Variants in GRIN2B observed in about 807,000 individuals in gnomAD.
GRIN2B encodes the protein glutamate ionotropic receptor NMDA type subunit 2B.
GRIN2B carries 5 observed loss-of-function variants against 114.5 expected under a neutral mutation model. The ratio of observed to expected loss-of-function variants is 0.04; its 90% CI spans 0.02 to 0.09. GRIN2B has a LOEUF of 0.09. GRIN2B is among the 10% of genes least tolerant of loss of function. The probability of loss-of-function intolerance (pLI) is 1.00; values close to 1 mark genes in which losing one functional copy is unlikely to be tolerated. For missense variants in GRIN2B, 1,108 were observed against 1,943.5 expected (o/e 0.57, Z 8.08); for synonymous variants, 787 against 745.1 (o/e 1.06, Z -0.92).
intron 4 of GRIN2B, among the ~76,000 whole-genome samples, chr12:13,731,462 G>A (rs540535717): frequency 9.9e-5 from 15 of 152,168 alleles, no homozygotes; most frequent in South Asian, 6.2e-4. Flanking sequence ...TTAGCTGGGC[G>A]TGGTGGTGGG....
rs560547704 is a variant in GRIN2B, at chr12:13,673,447, G to T, written c.1125+2298C>A. 3.3e-5 allele frequency among the ~76,000 whole-genome samples: 5 copies of T among 152,154 alleles called. No individual in the cohort carries two copies. The East Asian group carries it at 5.8e-4, about 18-fold the overall frequency. On this transcript the variant is annotated intron_variant, in intron 5 of 13. Transcript: ENST00000609686. ...CCATAGAAGGCTCAAGTTGGCTTTG[G>T]GCAGAGAAGGAACATCACAGTCAGA...
chr12:13,568,024 C>T (rs1948664099), intron 12 of GRIN2B, among the ~76,000 whole-genome samples: 1 of 151,842 alleles, frequency 6.6e-6, no homozygotes. Flanking sequence ...GATTGATTCC[C>T]TAGGGCCCCT....
intron 4 of GRIN2B, 135 bp from the exon 5 acceptor site, chr12:13,675,994 G>C (rs1747786860): frequency 1.5e-6 from 1 of 667,852 alleles, no homozygotes; most frequent in Non-Finnish European, 2.7e-6. Flanking sequence ...ATCAAATTTG[G>C]TACTTCTTGA....
intron 5 of GRIN2B, among the ~76,000 whole-genome samples, chr12:13,630,426 ACT>A (rs1325380436): frequency 6.6e-6 from 1 of 152,140 alleles, no homozygotes; most frequent in Non-Finnish European, 1.5e-5. Context: ...TCTCACACTG[ACT>A]CTGAGTTTAG....
chr12:13,870,463 C>A (rs1865887748), intron 2 of GRIN2B, among the ~76,000 whole-genome samples: 1 of 152,090 alleles, frequency 6.6e-6, no homozygotes, highest in Non-Finnish European at 1.5e-5. Context: ...ATGCTGGTAA[C>A]TGGTACAGGG....
At chr12:13,893,918 G>A (rs369586765) in intron 2 of GRIN2B, among the ~76,000 whole-genome samples, 1 of 152,132 alleles carries the variant, frequency 6.6e-6, no homozygotes, top group East Asian at 1.9e-4. Flanking sequence ...AAAATATACT[G>A]TAGATATGAG....
At chr12:13,597,716 TG>T (rs1357148114) in intron 10 of GRIN2B, among the ~76,000 whole-genome samples, 3 of 152,236 alleles carry the variant, frequency 2.0e-5, no homozygotes, top group Non-Finnish European at 4.4e-5. Flanking sequence ...TTTTGCTGCT[TG>T]GTTCCTGTGT....
At chr12:13,705,036 T>C (rs1950346961) in intron 4 of GRIN2B, among the ~76,000 whole-genome samples, 1 of 151,794 alleles carries the variant, frequency 6.6e-6, no homozygotes, top group Admixed American at 6.6e-5. Context: ...TGTCATCATA[T>C]AAGCATACCT....
intron 2 of GRIN2B, among the ~76,000 whole-genome samples, chr12:13,877,161 C>A (rs1163544223): frequency 1.3e-5 from 2 of 152,010 alleles, no homozygotes; most frequent in East Asian, 3.9e-4. Flanking sequence ...CTCAAATTAG[C>A]CCTCTTTCCC....
At chr12:13,826,308 T>A (rs868078776) in intron 3 of GRIN2B, among the ~76,000 whole-genome samples, 143 of 152,154 alleles carry the variant, frequency 9.4e-4, no homozygotes, top group African/African-American at 3.4e-3. Flanking sequence ...CCGTCTCTAA[T>A]AAAAATACAA....
intron 2 of GRIN2B, among the ~76,000 whole-genome samples, chr12:13,896,392 G>A (rs1006765989): frequency 6.6e-6 from 1 of 152,224 alleles, no homozygotes; most frequent in Non-Finnish European, 1.5e-5. Context: ...CCACTGAAAA[G>A]AGCAAAGCGA....
intron 2 of GRIN2B, among the ~76,000 whole-genome samples, chr12:13,877,759 C>CA (rs2136760803): frequency 6.6e-6 from 1 of 152,188 alleles, no homozygotes; most frequent in African/African-American, 2.4e-5. Flanking sequence ...GTCTTCCACT[C>CA]ACCACTTAAG....
Position 13,569,823 on chromosome 12 carries a change from A to G in GRIN2B, c.2359+7T>C. ...ACAAATGGGCACTTTCCCTTTCTTG[A>G]ACTCACCATCTCCAAAGAGCTGCAG... On this transcript the variant is annotated splice_region_variant and intron_variant, in intron 12 of 13. Coordinates refer to ENST00000609686, the MANE Select transcript of GRIN2B (RefSeq NM_000834.5). 6.3e-7 allele frequency: 1 copy of G among 1,578,398 alleles called. No individual in the cohort carries two copies. Among genetic ancestry groups the G allele is most frequent in the Non-Finnish European group, 8.6e-7 (1 of 1,156,946 alleles).
chr12:13,686,667 C>G (rs1215243085), intron 4 of GRIN2B, among the ~76,000 whole-genome samples: 1 of 152,108 alleles, frequency 6.6e-6, no homozygotes, highest in African/African-American at 2.4e-5. Flanking sequence ...TAATTGGCGC[C>G]TGATGACCCT....
intron 2 of GRIN2B, among the ~76,000 whole-genome samples, chr12:13,897,839 T>C (rs892285759): frequency 6.6e-6 from 1 of 152,036 alleles, no homozygotes; most frequent in Non-Finnish European, 1.5e-5. Context: ...GGGAAAGTCA[T>C]AATAATTGAA....
At chr12:13,842,308 A>T (rs912647966) in intron 3 of GRIN2B, among the ~76,000 whole-genome samples, 1 of 152,226 alleles carries the variant, frequency 6.6e-6, no homozygotes. Context: ...ACCAGGTGTC[A>T]ACATCACCAG....
At chr12:13,899,558 T>C (rs974788473) in intron 2 of GRIN2B, among the ~76,000 whole-genome samples, 1 of 143,808 alleles carries the variant, frequency 7.0e-6, no homozygotes, top group Non-Finnish European at 1.6e-5. Context: ...TAGTAAAAAG[T>C]AACTGACACA....
chr12:13,652,716 A>T (rs970764570), intron 5 of GRIN2B, among the ~76,000 whole-genome samples: 1 of 152,180 alleles, frequency 6.6e-6, no homozygotes, highest in Non-Finnish European at 1.5e-5. Flanking sequence ...AAATGGTTCA[A>T]CTGCATAAGG....
chr12:13,925,665 C>A (rs1053717635), intron 2 of GRIN2B, among the ~76,000 whole-genome samples: 2 of 152,066 alleles, frequency 1.3e-5, no homozygotes, highest in Non-Finnish European at 1.5e-5. Context: ...TCCCTAACAG[C>A]CTTAAAACTA....
Sources: gnomAD v4.1 joint callset for allele counts (sites outside exome capture counted in the v4.1 genomes callset) on GRCh38, gnomAD v4.1.1 for gene constraint, MANE v1.5 for transcripts, NCBI Gene and HGNC (gene_info 2026-07-23, HGNC 2026-07-21) for gene names.